ATRNL1: variants seen among roughly 807,000 people sequenced by gnomAD.
ATRNL1 encodes attractin-like protein 1.
A neutral mutation model predicts 182.7 loss-of-function variants in ATRNL1; 95 were observed. The observed-to-expected ratio is 0.52, with a 90% CI of 0.44 to 0.62. ATRNL1 has a LOEUF of 0.62. Ranked by LOEUF, ATRNL1 falls within the 20% of genes least tolerant of loss-of-function variation. The pLI is 0.00. For synonymous variants in ATRNL1, 576 were observed against 568.3 expected (o/e 1.01, Z -0.19); for missense variants, 1,471 against 1,679.5 (o/e 0.88, Z 2.17).
chr10:115,829,018 C>T (rs1218273620), intron 27 of ATRNL1, among the ~76,000 whole-genome samples: 1 of 151,970 alleles, frequency 6.6e-6, no homozygotes, highest in African/African-American at 2.4e-5. Flanking sequence ...CTAACTTCTG[C>T]AGATGGGCAT....
intron 20 of ATRNL1, among the ~76,000 whole-genome samples, chr10:115,408,001 T>G (rs1305413512): frequency 1.2e-5 from 1 of 82,180 alleles, no homozygotes; most frequent in Non-Finnish European, 3.5e-5. Context: ...TTTTTTTTTT[T>G]TTTTTTTTTT....
intron 14 of ATRNL1, 80 bp from the exon 15 acceptor site, chr10:115,286,136 A>G: frequency 1.5e-6 from 1 of 666,284 alleles, no homozygotes; most frequent in Non-Finnish European, 2.6e-6. Context: ...TTAAACAAAT[A>G]CAGAAGTACT....
At chr10:115,792,618 G>T (rs1048851005) in intron 27 of ATRNL1, among the ~76,000 whole-genome samples, 18 of 152,054 alleles carry the variant, frequency 1.2e-4, no homozygotes, top group Admixed American at 8.5e-4. Context: ...AACAAAAGTT[G>T]TGGAGCAGTA....
At chr10:115,323,109 C>G (rs1554932011) in intron 18 of ATRNL1, among the ~76,000 whole-genome samples, 1 of 151,844 alleles carries the variant, frequency 6.6e-6, no homozygotes, top group Non-Finnish European at 1.5e-5. Context: ...TCCAGTGTTT[C>G]TATTATTCAT....
At chr10:115,699,556 G>A (rs1422076413) in intron 26 of ATRNL1, among the ~76,000 whole-genome samples, 2 of 151,990 alleles carry the variant, frequency 1.3e-5, no homozygotes, top group East Asian at 3.9e-4. Context: ...GAATAAATGA[G>A]AGCTTCACAC....
rs1855668888 is a variant in ATRNL1, at chr10:115,340,081, G to GTACT, written c.3175+5663_3175+5666dup. On this transcript the variant is annotated intron_variant, in intron 19 of 28. Transcript: ENST00000355044. The stretch of plus-strand genomic sequence containing the variant: ...CTTGGTTATGAATGATCTTTCTGAT[G>GTACT]TACTGTTGAATTTTGTTTGCTAGTA... Among the ~76,000 whole-genome samples, 4 of 152,242 alleles carry GTACT rather than the reference G, an allele frequency of 2.6e-5. No individual in the cohort carries two copies. In the South Asian group the frequency reaches 6.2e-4, roughly 24 times the overall value.
At position 115,582,519 on chromosome 10, in the gene ATRNL1, GT is replaced by G. The variant is rs1219262078; in HGVS notation, c.3795+32989del. ...AGTGATGGTGAGCATTTTTTCATGT[GT>G]TTTTTGGCTGCATAAATGTCTTCTT... On this transcript the variant is annotated intron_variant, in intron 26 of 28. Coordinates refer to ENST00000355044, the MANE Select transcript of ATRNL1 (RefSeq NM_207303.4). Among the ~76,000 whole-genome samples the G allele has an allele frequency of 2.3e-4, 29 of 124,898 alleles. 1 individual carries two copies. The South Asian group carries it at 8.5e-3, about 37-fold the overall frequency. The allele number at this position is 124,898 out of a possible 152,430, so 81.9% of individuals were successfully genotyped here. A position where few individuals can be genotyped will look rare whatever the true frequency, so the allele number is the denominator to read the frequency against.
chr10:115,460,688 T>C (rs963879878), intron 21 of ATRNL1, among the ~76,000 whole-genome samples: 1 of 152,160 alleles, frequency 6.6e-6, no homozygotes, highest in Non-Finnish European at 1.5e-5. Context: ...GCTTATTCTC[T>C]TACTAGCTCA....
chr10:115,920,232 C>T (rs2134558368), intron 28 of ATRNL1, among the ~76,000 whole-genome samples: 1 of 152,316 alleles, frequency 6.6e-6, no homozygotes, highest in African/African-American at 2.4e-5. Context: ...TTTGAACTCT[C>T]TTTATTTTCA....
chr10:115,829,882 T>C (rs1178842304), intron 27 of ATRNL1, among the ~76,000 whole-genome samples: 3 of 152,310 alleles, frequency 2.0e-5, no homozygotes, highest in East Asian at 1.9e-4. Context: ...CCCCACTCTT[T>C]AGGGATTTTA....
intron 9 of ATRNL1, among the ~76,000 whole-genome samples, chr10:115,236,235 A>G (rs1850173021): frequency 6.6e-6 from 1 of 152,190 alleles, no homozygotes; most frequent in Non-Finnish European, 1.5e-5. Flanking sequence ...AAAAACTAAG[A>G]TTAGAGAACT....
chr10:115,184,917 C>T (rs1382673772), intron 8 of ATRNL1, among the ~76,000 whole-genome samples: 2 of 151,884 alleles, frequency 1.3e-5, no homozygotes, highest in Non-Finnish European at 2.9e-5. Context: ...GCAAACAAAT[C>T]TTTGAGGTTT....
At chr10:115,636,741 A>G (rs1285551078) in intron 26 of ATRNL1, among the ~76,000 whole-genome samples, 3 of 152,204 alleles carry the variant, frequency 2.0e-5, no homozygotes, top group Non-Finnish European at 4.4e-5. Context: ...ATAAGCCTCA[A>G]AAACTTACAT....
chr10:115,842,398 C>T (rs964172270), intron 27 of ATRNL1, among the ~76,000 whole-genome samples: 1 of 152,046 alleles, frequency 6.6e-6, no homozygotes, highest in Non-Finnish European at 1.5e-5. Flanking sequence ...TTTTAAATTT[C>T]ACCATACTTA....
intron 1 of ATRNL1, among the ~76,000 whole-genome samples, chr10:115,098,240 C>T (rs971706609): frequency 2.6e-5 from 4 of 152,066 alleles, no homozygotes; most frequent in African/African-American, 9.7e-5. Context: ...GCATGGTTTT[C>T]AAGAACACGT....
chr10:115,388,313 G>C (rs1264787403), intron 19 of ATRNL1, among the ~76,000 whole-genome samples: 1 of 152,048 alleles, frequency 6.6e-6, no homozygotes, highest in African/African-American at 2.4e-5. Context: ...TAGTTGCTTT[G>C]TTATTTGTCA....
At chr10:115,855,135 C>T (rs1951150345) in intron 28 of ATRNL1, among the ~76,000 whole-genome samples, 1 of 152,162 alleles carries the variant, frequency 6.6e-6, no homozygotes, top group African/African-American at 2.4e-5. Context: ...CCTTTAGTTT[C>T]TTCATGTATA....
intron 28 of ATRNL1, among the ~76,000 whole-genome samples, chr10:115,856,587 G>T (rs781936596): frequency 3.9e-5 from 6 of 152,010 alleles, no homozygotes; most frequent in African/African-American, 9.7e-5. Context: ...CCACAGACCT[G>T]GGGGTCAGTG....
At position 115,612,823 on chromosome 10, in the gene ATRNL1, AT is replaced by A. The variant is rs1555019473; in HGVS notation, c.3795+63288del. On this transcript the variant is annotated intron_variant, in intron 26 of 28. Transcript: ENST00000355044. ...CCTACCAGCTTAATTTTTGACACAA[AT>A]GACTCCATTTGTGGAATCCAAGTTT... Among the ~76,000 whole-genome samples, 263 of 152,296 alleles carry A rather than the reference AT, an allele frequency of 1.7e-3. 1 individual carries two copies. Among genetic ancestry groups the A allele is most frequent in the African/African-American group, 6.0e-3 (251 of 41,564 alleles).
Sources: gnomAD v4.1 joint callset for allele counts (sites outside exome capture counted in the v4.1 genomes callset) on GRCh38, gnomAD v4.1.1 for gene constraint, MANE v1.5 for transcripts, NCBI Gene and HGNC (gene_info 2026-07-23, HGNC 2026-07-21) for gene names.